Variants in SLCO1B1 observed in about 807,000 individuals in gnomAD.
The protein encoded by SLCO1B1 is solute carrier organic anion transporter family member 1B1.
Under a neutral mutation model 70.1 loss-of-function variants are expected in SLCO1B1, and 81 were observed. That is an observed-to-expected ratio of 1.16 (90% CI 0.97 to 1.39). The LOEUF (loss-of-function observed/expected upper bound fraction) is 1.39, where lower values mean the gene tolerates loss of function less well. SLCO1B1 is among the 40% of genes most tolerant of loss of function. The pLI, the probability that SLCO1B1 is intolerant of heterozygous loss-of-function variation, is 0.00. For missense variants in SLCO1B1, 895 were observed against 799.6 expected, an observed-to-expected ratio of 1.12 and a Z score of -1.44; for synonymous variants, 283 against 271.5, an observed-to-expected ratio of 1.04 and a Z score of -0.42.
At chr12:21,164,813 G>GTAAGGTCAGAATAGTCCCTTTTTCC (rs1565670621) in intron 2 of SLCO1B1, 2 of 488,726 alleles carry the variant, frequency 4.1e-6, no homozygotes, top group African/African-American at 3.9e-5. Flanking sequence ...ACTTTAACCT[G>GTAAGGTCAGAATAGTCCCTTTTTCC]TAAGGTCAGA....
chr12:21,238,954 T>G, intron 14 of SLCO1B1, 25 bp from the exon 15 acceptor site: 1 of 1,380,698 alleles, frequency 7.2e-7, no homozygotes, highest in Non-Finnish European at 1.0e-6. Flanking sequence ...ACTGATTTAT[T>G]GTTTTATTTT....
At chr12:21,220,655 G>T (rs1370678430) in intron 12 of SLCO1B1, among the ~76,000 whole-genome samples, 2 of 151,988 alleles carry the variant, frequency 1.3e-5, no homozygotes, top group African/African-American at 4.8e-5. Flanking sequence ...CTAGGAAAGA[G>T]CGTTGTCCTC....
At chr12:21,198,449 T>TA (rs531949197) in intron 8 of SLCO1B1, among the ~76,000 whole-genome samples, 77 of 152,180 alleles carry the variant, frequency 5.1e-4, no homozygotes, top group African/African-American at 1.9e-3. Flanking sequence ...ATCAAATCTT[T>TA]AAAAAATAGT....
chr12:21,193,900 C>T (rs1043407172), intron 7 of SLCO1B1, among the ~76,000 whole-genome samples: 2 of 152,112 alleles, frequency 1.3e-5, no homozygotes, highest in Non-Finnish European at 2.9e-5. Context: ...ACACTATTCT[C>T]CTGTTTCTGC....
chr12:21,232,741 A>G (rs59529316), intron 14 of SLCO1B1, among the ~76,000 whole-genome samples: 26 of 107,948 alleles, frequency 2.4e-4, no homozygotes, highest in Non-Finnish European at 4.7e-4. Context: ...GAGACAGAGA[A>G]AGACAGAGAC....
At chr12:21,161,569 T>C (rs897041154) in intron 2 of SLCO1B1, among the ~76,000 whole-genome samples, 9 of 152,122 alleles carry the variant, frequency 5.9e-5, no homozygotes, top group Non-Finnish European at 1.3e-4. Flanking sequence ...TATTGAGTAC[T>C]AGGCTTAATA....
At chr12:21,141,711 T>A in intron 2 of SLCO1B1, 53 bp downstream of exon 2, 1 of 1,135,104 alleles carries the variant, frequency 8.8e-7, no homozygotes, top group Non-Finnish European at 1.3e-6. Context: ...GGAACTTTAA[T>A]GTATAGAAAA....
At chr12:21,219,953 G>A (rs1941403536) in intron 12 of SLCO1B1, among the ~76,000 whole-genome samples, 1 of 152,114 alleles carries the variant, frequency 6.6e-6, no homozygotes, top group African/African-American at 2.4e-5. Context: ...GTAGGACCTG[G>A]TTTTACCACG....
At chr12:21,134,942 A>G (rs1006748637) in intron 1 of SLCO1B1, among the ~76,000 whole-genome samples, 14 of 151,880 alleles carry the variant, frequency 9.2e-5, no homozygotes, top group African/African-American at 1.7e-4. Flanking sequence ...TCAATTTTGG[A>G]TCTTTCCTGC....
intron 2 of SLCO1B1, among the ~76,000 whole-genome samples, chr12:21,159,754 TGA>T (rs1940589774): frequency 1.3e-5 from 2 of 152,122 alleles, no homozygotes; most frequent in African/African-American, 4.8e-5. Context: ...CTCCTTCAGC[TGA>T]TAAACAACTT....
intron 8 of SLCO1B1, among the ~76,000 whole-genome samples, chr12:21,198,870 C>T (rs1941125340): frequency 6.6e-6 from 1 of 151,976 alleles, no homozygotes; most frequent in Non-Finnish European, 1.5e-5. Flanking sequence ...CAGAAGTTTA[C>T]ACTGGATGAC....
At chr12:21,200,181 T>C (rs965229386) in intron 8 of SLCO1B1, among the ~76,000 whole-genome samples, 10 of 152,148 alleles carry the variant, frequency 6.6e-5, no homozygotes, top group African/African-American at 1.2e-4. Context: ...AATGAATAAG[T>C]GAATTAATAT....
intron 7 of SLCO1B1, among the ~76,000 whole-genome samples, chr12:21,186,139 G>T (rs1940959405): frequency 6.6e-6 from 1 of 151,878 alleles, no homozygotes; most frequent in African/African-American, 2.4e-5. Flanking sequence ...TAACATAAAA[G>T]TTCGCTTTTT....
intron 2 of SLCO1B1, among the ~76,000 whole-genome samples, chr12:21,154,746 G>C (rs776873555): frequency 2.6e-5 from 4 of 151,832 alleles, no homozygotes; most frequent in African/African-American, 4.8e-5. Context: ...TTCAGAATTG[G>C]ATTCTTCTTT....
chr12:21,217,385 C>G, intron 12 of SLCO1B1, 82 bp downstream of exon 12: 2 of 1,059,386 alleles, frequency 1.9e-6, no homozygotes, highest in Non-Finnish European at 2.9e-6. Context: ...ACATAATATA[C>G]TGGGAATTCA....
chr12:21,179,525 G>T (rs189174061), intron 7 of SLCO1B1, among the ~76,000 whole-genome samples: 1 of 152,212 alleles, frequency 6.6e-6, no homozygotes, highest in Non-Finnish European at 1.5e-5. Context: ...TTGAACAAAG[G>T]AATAAAGCAG....
At chr12:21,189,139 T>A (rs1940997201) in intron 7 of SLCO1B1, among the ~76,000 whole-genome samples, 1 of 152,210 alleles carries the variant, frequency 6.6e-6, no homozygotes, top group Non-Finnish European at 1.5e-5. Context: ...AGAAGTGGGA[T>A]TGCTGGGTCA....
intron 9 of SLCO1B1, among the ~76,000 whole-genome samples, 188 bp from the exon 10 acceptor site, chr12:21,202,303 C>A (rs1484271462): frequency 2.0e-5 from 3 of 152,048 alleles, no homozygotes; most frequent in African/African-American, 7.2e-5. Flanking sequence ...GTGCAGCAAA[C>A]CACCATGGCA....
intron 1 of SLCO1B1, among the ~76,000 whole-genome samples, chr12:21,135,907 T>G (rs1940213822): frequency 6.6e-6 from 1 of 152,208 alleles, no homozygotes; most frequent in Non-Finnish European, 1.5e-5. Flanking sequence ...TGCTCATTAG[T>G]TGATGCAGTT....
Sources: gnomAD v4.1 joint callset for allele counts (sites outside exome capture counted in the v4.1 genomes callset) on GRCh38, gnomAD v4.1.1 for gene constraint, MANE v1.5 for transcripts, NCBI Gene and HGNC (gene_info 2026-07-23, HGNC 2026-07-21) for gene names.